The following CMIP variants were observed in gnomAD, a reference collection of about 807,000 sequenced individuals.
The protein encoded by CMIP is C-Maf-inducing protein.
CMIP carries 13 observed loss-of-function variants against 97.3 expected under a neutral mutation model. The observed-to-expected ratio is 0.13, with a 90% CI of 0.09 to 0.21. CMIP has a LOEUF of 0.21. CMIP is among the 10% of genes least tolerant of loss of function. The pLI is 1.00. For synonymous variants in CMIP, 538 were observed against 436.3 expected (o/e 1.23, Z -2.91); for missense variants, 847 against 1,024.9 (o/e 0.83, Z 2.37).
intron 1 of CMIP, among the ~76,000 whole-genome samples, chr16:81,514,402 C>T (rs893094071): frequency 2.6e-5 from 4 of 152,212 alleles, no homozygotes; most frequent in African/African-American, 9.6e-5. Flanking sequence ...ACGAGGCTAA[C>T]TTGGGGTGCA....
In CMIP at chr16:81,623,159, G is replaced by A. The variant is rs527381579; in HGVS notation, c.477+2233G>A. ...ATGGAGGTTGTAGTGAGCCAAGATT[G>A]GTCCACTGCACTCCAACCTGAGTGA... On this transcript the variant is annotated intron_variant, in intron 3 of 20. Transcript: ENST00000537098. 5.3e-5 allele frequency among the ~76,000 whole-genome samples: 8 copies of A among 152,258 alleles called. No homozygotes were observed. The East Asian group carries it at 1.2e-3, about 22-fold the overall frequency.
At chr16:81,650,163 C>T (rs1567634009) in intron 3 of CMIP, among the ~76,000 whole-genome samples, 1 of 152,216 alleles carries the variant, frequency 6.6e-6, no homozygotes, top group Non-Finnish European at 1.5e-5. Flanking sequence ...TACACTCACC[C>T]CCGACAACTT....
chr16:81,514,105 G>A (rs529194298), intron 1 of CMIP, among the ~76,000 whole-genome samples: 3 of 152,316 alleles, frequency 2.0e-5, no homozygotes, highest in Non-Finnish European at 2.9e-5. Flanking sequence ...CTAAAATAAT[G>A]CATTTGTTTA....
chr16:81,452,880 G>GTTTTTTTTTTTT (rs1220926915), intron 1 of CMIP, among the ~76,000 whole-genome samples: 3 of 63,730 alleles, frequency 4.7e-5, no homozygotes, highest in African/African-American at 1.8e-4. Context: ...TTTTTTTTTT[G>GTTTTTTTTTTTT]TTTTGTTTTT....
At chr16:81,507,250 T>C (rs906365405) in intron 1 of CMIP, among the ~76,000 whole-genome samples, 2 of 152,314 alleles carry the variant, frequency 1.3e-5, no homozygotes, top group Admixed American at 1.3e-4. Flanking sequence ...CTAGACTCTG[T>C]CTTAAAAAAG....
At chr16:81,461,922 C>A (rs143412744) in intron 1 of CMIP, among the ~76,000 whole-genome samples, 12 of 152,332 alleles carry the variant, frequency 7.9e-5, no homozygotes, top group Admixed American at 3.9e-4. Flanking sequence ...CCGTTCTAGG[C>A]ATTGCGTGTT....
chr16:81,705,730 C>G (rs1168519844), intron 19 of CMIP, 126 bp downstream of exon 19: 4 of 625,806 alleles, frequency 6.4e-6, no homozygotes, highest in African/African-American at 1.8e-5. Flanking sequence ...CATTCACAAA[C>G]GTGTTCACTG....
intron 6 of CMIP, 58 bp downstream of exon 6, chr16:81,661,004 T>G (rs2092539677): frequency 2.6e-5 from 42 of 1,588,428 alleles, no homozygotes; most frequent in Non-Finnish European, 3.5e-5. Context: ...TCTGTGCGCA[T>G]ACCAGGGATT....
intron 11 of CMIP, 147 bp downstream of exon 11, chr16:81,691,987 C>T (rs746395996): frequency 9.9e-5 from 70 of 706,156 alleles, no homozygotes; most frequent in East Asian, 1.9e-4. Context: ...AGCTCAGCCA[C>T]GTCCTCAGCT....
rs139170623 is a variant in CMIP at position 81,579,980 on chromosome 16, A to C, written c.301-27587A>C. ...GTCTCAAAAAAAGAAATTAAAAAAA[A>C]AATGATATGACAGGTTTAAAAAGTT... On this transcript the variant is annotated intron_variant, in intron 1 of 20. Transcript: ENST00000537098. Among the ~76,000 whole-genome samples, 256 of 152,358 alleles carry C rather than the reference A, an allele frequency of 1.7e-3. 1 individual carries two copies. The highest frequency in any genetic ancestry group is 2.1e-3 in the East Asian group (11 of 5,194).
chr16:81,583,625 T>A (rs1216489996), intron 1 of CMIP, among the ~76,000 whole-genome samples: 1 of 152,188 alleles, frequency 6.6e-6, no homozygotes, highest in Admixed American at 6.5e-5. Context: ...CTGTGTTTCC[T>A]CTCACTGTCA....
chr16:81,500,529 G>A (rs1378852607), intron 1 of CMIP, among the ~76,000 whole-genome samples: 2 of 136,612 alleles, frequency 1.5e-5, no homozygotes, highest in Non-Finnish European at 3.1e-5. Context: ...TCACTCTGTC[G>A]CCAGGCTGGA....
chr16:81,626,954 AGTGT>A lies in CMIP; in HGVS notation c.477+6036_477+6039del, dbSNP rs373305494. ...TATGTGTGGTGTGTGGGGGTGACTG[AGTGT>A]GTGTGTGGCATATGGGGCGACTATT... On this transcript the variant is annotated intron_variant, in intron 3 of 20. Transcript: ENST00000537098. 5.1e-5 allele frequency among the ~76,000 whole-genome samples: 5 copies of A among 97,970 alleles called. No homozygotes were observed. The Admixed American group carries it at 5.1e-4, about 10-fold the overall frequency. 64.3% of individuals were successfully genotyped at this position (97,970 alleles called of 152,430 possible).
At chr16:81,664,824 G>A (rs1203432590) in intron 7 of CMIP, 1 of 259,632 alleles carries the variant, frequency 3.9e-6, no homozygotes, top group African/African-American at 2.2e-5. Flanking sequence ...AAGCCAGTTA[G>A]ACAGAATATT....
intron 1 of CMIP, among the ~76,000 whole-genome samples, chr16:81,449,259 A>T (rs531112782): frequency 2.0e-5 from 3 of 152,336 alleles, no homozygotes; most frequent in African/African-American, 4.8e-5. Flanking sequence ...TTTATTCTCA[A>T]GCCATAATTC....
At chr16:81,513,192 T>TC (rs2089846626) in intron 1 of CMIP, among the ~76,000 whole-genome samples, 1 of 152,226 alleles carries the variant, frequency 6.6e-6, no homozygotes, top group African/African-American at 2.4e-5. Flanking sequence ...TGGAAGATTC[T>TC]CCCCCTAGAT....
At chr16:81,495,395 A>G in intron 1 of CMIP, 2 of 1,555,432 alleles carry the variant, frequency 1.3e-6, no homozygotes, top group South Asian at 2.4e-5. Context: ...GTTTGAGAAC[A>G]ACAAACCAAG....
chr16:81,482,337 A>T (rs1040133108), intron 1 of CMIP, among the ~76,000 whole-genome samples: 2 of 152,174 alleles, frequency 1.3e-5, no homozygotes, highest in African/African-American at 4.8e-5. Flanking sequence ...GATTAGGGCC[A>T]TTATTGTGCC....
chr16:81,507,539 GA>G (rs1318525224), intron 1 of CMIP, among the ~76,000 whole-genome samples: 1 of 152,210 alleles, frequency 6.6e-6, no homozygotes, highest in African/African-American at 2.4e-5. Context: ...TTGAGGGGTG[GA>G]AAGGTTAAGT....
Sources: allele counts gnomAD v4.1 joint callset (sites outside exome capture counted in the v4.1 genomes callset), GRCh38; gene constraint gnomAD v4.1.1; transcripts MANE v1.5; gene names NCBI Gene and HGNC (gene_info 2026-07-23, HGNC 2026-07-21).